TRPM5: variants seen among roughly 807,000 people sequenced by gnomAD.
TRPM5 encodes MLSN1 and TRP-related.
A neutral mutation model predicts 124.9 loss-of-function variants in TRPM5; 121 were observed. The ratio of observed to expected loss-of-function variants is 0.97; its 90% confidence interval spans 0.84 to 1.13. TRPM5 has a LOEUF of 1.13. Among genes scored for constraint, TRPM5 ranks in the 50% most tolerant of loss-of-function variants. The pLI, the probability that TRPM5 is intolerant of heterozygous loss-of-function variation, is 0.00. For missense variants in TRPM5, 1,643 were observed against 1,589.1 expected, an observed-to-expected ratio of 1.03 and a Z score of -0.58; for synonymous variants, 781 against 700.5, an observed-to-expected ratio of 1.11 and a Z score of -1.81.
intron 1 of TRPM5, 89 bp downstream of exon 6, chr11:2,422,831 C>T (rs1305991579): frequency 8.6e-7 from 1 of 1,161,264 alleles, no homozygotes; most frequent in South Asian, 1.2e-5. Context: ...TGAGGAGGAC[C>T]CTGGCACTCA....
At chr11:2,443,731 G>A in the TRPM5 span, among the ~76,000 whole-genome samples, 2 of 152,146 alleles carry the variant, frequency 1.3e-5, no homozygotes, top group African/African-American at 2.4e-5. The surrounding 1 kb of genome is among the most constrained non-coding windows in gnomAD (Gnocchi z 5.0). Flanking sequence ...TGGCGGGGCG[G>A]AGAGTCACCG....
rs1239061338 is a variant in TRPM5, at chr11:2,416,148, AG to A, written c.1010-125del. The A allele has an allele frequency of 1.7e-4, 101 of 595,000 alleles. 1 individual carries two copies. In the Middle Eastern group the frequency reaches 3.3e-3, roughly 20 times the overall value. 36.9% of individuals were successfully genotyped at this position (595,000 alleles called of 1,614,324 possible). A position where few individuals can be genotyped will look rare whatever the true frequency, so the allele number is the denominator to read the frequency against. On this transcript the variant is annotated intron_variant, in intron 7 of 23. Transcript: ENST00000155858. ...AACGGGAACTTCACGCTGGGACTTG[AG>A]GGGGCACATGCGCCACCTCTGAGCA...
chr11:2,404,675 G>A (rs532514761), exon 24 of TRPM5: 11 of 510,006 alleles, frequency 2.2e-5, no homozygotes, highest in South Asian at 1.9e-4. Flanking sequence ...GTAGGGATGC[G>A]GTGGGGCACG....
upstream of TRPM5, among the ~76,000 whole-genome samples, chr11:2,427,145 G>A (rs370900604): frequency 3.3e-5 from 5 of 152,218 alleles, no homozygotes; most frequent in Admixed American, 1.3e-4. Flanking sequence ...CCAGGGAAGC[G>A]GGGATCCTCC....
At chr11:2,422,211 C>T in exon 2 of TRPM5, 1 of 1,612,510 alleles carries the variant, frequency 6.2e-7, no homozygotes, top group Non-Finnish European at 8.5e-7. Flanking sequence ...TGGCGAAAGG[C>T]TGCTCCTCAC....
At position 2,411,539 on chromosome 11, in the gene TRPM5, GGGGCAGAGAGAGGGACGTCAGC is replaced by G; in HGVS notation, c.2608-35_2608-14del. ...AGACGTCCTTCATCTCCACGGGGCA[GGGGCAGAGAGAGGGACGTCAGC>G]GGCCAGCCGGGTGGGGCCCAGGCAG... On this transcript the variant is annotated splice_polypyrimidine_tract_variant and intron_variant, in intron 17 of 23. Transcript: ENST00000155858. 1 of 1,607,746 alleles carries G rather than the reference GGGGCAGAGAGAGGGACGTCAGC, an allele frequency of 6.2e-7. No individual in the cohort carries two copies. Among genetic ancestry groups the G allele is most frequent in the South Asian group, 1.1e-5 (1 of 90,890 alleles).
chr11:2,414,830 T>G (rs1236554624), exon 11 of TRPM5: 1 of 1,592,520 alleles, frequency 6.3e-7, no homozygotes, highest in South Asian at 1.1e-5. Context: ...CTGCCACACC[T>G]TCCTGGCCCT....
chr11:2,438,386 T>A, the TRPM5 span, among the ~76,000 whole-genome samples: 1 of 152,166 alleles, frequency 6.6e-6, no homozygotes, highest in Non-Finnish European at 1.5e-5. This position sits in a 1 kb window ranked among gnomAD's most constrained non-coding sequence, Gnocchi z 5.9. Flanking sequence ...AGAAATTGGC[T>A]GGATGCAGTG....
At position 2,415,346 on chromosome 11, in the gene TRPM5, G is replaced by C. The variant is rs140115521; in HGVS notation, c.1254C>G (p.Leu418=). The C allele has an allele frequency of 2.5e-4, 398 of 1,586,116 alleles. No individual in the cohort carries two copies. The African/African-American group carries it at 4.7e-3, about 19-fold the overall frequency. ...GGCTCTTGCGTGACACGGAGCGGTA[G>C]AGCTCCTGCAGCCGCCCATACGTCA... The change falls in exon 9 of 24, where the codon CTC becomes CTG. Residue 418 remains leucine (L), a synonymous_variant. Transcript: ENST00000155858.
chr11:2,422,366 T>A, intron 1 of TRPM5, 45 bp from the exon 7 acceptor site: 1 of 1,114,140 alleles, frequency 9.0e-7, no homozygotes, highest in Non-Finnish European at 1.1e-6. Flanking sequence ...GCACGGGGCA[T>A]GGGAGCTGCT....
chr11:2,408,294 C>T (rs1051657689), intron 18 of TRPM5, among the ~76,000 whole-genome samples: 3 of 152,166 alleles, frequency 2.0e-5, no homozygotes, highest in African/African-American at 7.2e-5. Context: ...GTTAAAACCT[C>T]CACCCCTCCT....
At chr11:2,415,535 G>A in intron 8 of TRPM5, 64 bp from the exon 14 acceptor site, 3 of 1,175,146 alleles carry the variant, frequency 2.6e-6, no homozygotes, top group African/African-American at 1.5e-5. Flanking sequence ...AGGAGGAGGG[G>A]GTCCAAGGAA....
At position 2,411,989 on chromosome 11, in the gene TRPM5, C is replaced by T. The variant is rs988243216; in HGVS notation, c.2474+146G>A. 4.2e-5 allele frequency: 38 copies of T among 906,678 alleles called. No individual in the cohort carries two copies. The African/African-American group carries it at 5.6e-4, about 13-fold the overall frequency. The allele number at this position is 906,678 out of a possible 1,614,324, so 56.2% of individuals were successfully genotyped here. On this transcript the variant is annotated intron_variant, in intron 16 of 23. Transcript: ENST00000155858. ...TGATCACGGCTTGCTGCTGCCTCAA[C>T]TTCCCTGGCTCAAGTGACCCACCCA...
chr11:2,407,723 C>A (rs1017102012), intron 19 of TRPM5, 36 bp downstream of exon 24: 1 of 1,609,008 alleles, frequency 6.2e-7, no homozygotes, highest in South Asian at 1.1e-5. Context: ...TCCCTCCGCT[C>A]CAGGGCTCTC....
intron 2 of TRPM5, 152 bp from the exon 8 acceptor site, chr11:2,421,350 G>A (rs1357673503): frequency 7.0e-6 from 7 of 995,664 alleles, no homozygotes; most frequent in South Asian, 1.7e-5. Flanking sequence ...TGGGGAAGCC[G>A]AGGCCCAGAG....
chr11:2,413,106 C>A, intron 14 of TRPM5, 28 bp downstream of exon 19: 1 of 1,551,426 alleles, frequency 6.4e-7, no homozygotes, highest in Non-Finnish European at 8.7e-7. Context: ...CCAGTCCCCT[C>A]CACCCTGCCT....
the TRPM5 span, among the ~76,000 whole-genome samples, chr11:2,434,576 G>A: frequency 1.5e-4 from 23 of 151,592 alleles, no homozygotes; most frequent in African/African-American, 5.6e-4. Flanking sequence ...CGCTGTGTCT[G>A]TGTGGACGCT....
At chr11:2,422,154 C>T (rs774991816) in exon 2 of TRPM5, 29 of 1,606,794 alleles carry the variant, frequency 1.8e-5, no homozygotes, top group Non-Finnish European at 2.3e-5. Flanking sequence ...TGCTCTGAGC[C>T]GCCTTCACCA....
At chr11:2,444,104 C>A in the TRPM5 span, among the ~76,000 whole-genome samples, 1 of 152,056 alleles carries the variant, frequency 6.6e-6, no homozygotes, top group Non-Finnish European at 1.5e-5. Context: ...GCCGCCCCCA[C>A]CCCCCAGCAG....
Sources: gnomAD v4.1 joint callset for allele counts (sites outside exome capture counted in the v4.1 genomes callset) on GRCh38, gnomAD v4.1.1 for gene constraint, Gnocchi (gnomAD v3.1) non-coding constraint, MANE v1.5 for transcripts, NCBI Gene and HGNC (gene_info 2026-07-23, HGNC 2026-07-21) for gene names.